The following NUCB1 variants were observed in gnomAD, a reference collection of about 807,000 sequenced individuals.
The protein encoded by NUCB1 is nucleobindin-1.
In NUCB1, 47 loss-of-function variants were observed where a neutral mutation model predicts 61.2. The observed-to-expected ratio is 0.77, with a 90% CI of 0.61 to 0.98. NUCB1 has a LOEUF of 0.98. NUCB1 is among the 50% of genes least tolerant of loss of function. The probability of loss-of-function intolerance (pLI) is 0.00; values close to 1 mark genes in which losing one functional copy is unlikely to be tolerated. For missense variants in NUCB1, 583 were observed against 605.3 expected, an observed-to-expected ratio of 0.96 and a Z score of 0.39; for synonymous variants, 234 against 243.1, an observed-to-expected ratio of 0.96 and a Z score of 0.35.
chr19:48,921,897 A>AC lies in NUCB1; in HGVS notation c.1247dup (p.Glu417Ter). On this transcript the variant is annotated frameshift_variant, in exon 12 of 13. Transcript: ENST00000405315. LOFTEE classifies it low-confidence loss of function (END_TRUNC). ...CAAGGCCACAAGGCCCCGGCTGCCCACCCTGAGGGGCAGCTCAAGTTCCAC... is the reference window on the plus strand; with the variant it reads ...CAAGGCCACAAGGCCCCGGCTGCCCACCCCTGAGGGGCAGCTCAAGTTCCAC... The AC allele has an allele frequency of 6.2e-7, 1 of 1,610,932 alleles. No individual in the cohort carries two copies. The highest frequency in any genetic ancestry group is 8.5e-7 in the Non-Finnish European group (1 of 1,179,080).
chr19:48,900,519 C>A (rs1296892236), intron 1 of NUCB1, 147 bp downstream of exon 1: 2 of 536,514 alleles, frequency 3.7e-6, no homozygotes, highest in South Asian at 4.6e-5. Flanking sequence ...ACTCTTGGGT[C>A]TGGGGGAGGA....
At chr19:48,920,305 A>C (rs1044449897) in intron 10 of NUCB1, among the ~76,000 whole-genome samples, 1 of 151,824 alleles carries the variant, frequency 6.6e-6, no homozygotes, top group Non-Finnish European at 1.5e-5. Flanking sequence ...CAGCATGCCT[A>C]GCTAATCTAG....
intron 2 of NUCB1, among the ~76,000 whole-genome samples, chr19:48,903,380 AGATGGATGGGCAGTTG>A (rs2037372197): frequency 1.2e-5 from 1 of 84,264 alleles, no homozygotes; most frequent in East Asian, 2.5e-4. Flanking sequence ...GCGGGTGGGT[AGATGGATGGGCAGTTG>A]GATGGATGGG....
chr19:48,913,968 CTT>C (rs767741319), intron 7 of NUCB1, among the ~76,000 whole-genome samples: 23 of 139,282 alleles, frequency 1.7e-4, no homozygotes, highest in Non-Finnish European at 1.6e-4. Flanking sequence ...TTTCTTTTTC[CTT>C]TTTTTTTTTT....
At chr19:48,900,607 A>G (rs2037343223) in intron 1 of NUCB1, 179 bp from the exon 2 acceptor site, 1 of 771,150 alleles carries the variant, frequency 1.3e-6, no homozygotes, top group South Asian at 1.8e-5. Flanking sequence ...GAGGGCCCAG[A>G]CTCCTGTGTC....
intron 7 of NUCB1, among the ~76,000 whole-genome samples, chr19:48,914,106 G>A (rs1408514724): frequency 6.6e-6 from 1 of 151,742 alleles, no homozygotes; most frequent in Non-Finnish European, 1.5e-5. Flanking sequence ...CTCCCGAGTA[G>A]CTGGGATTAC....
intron 10 of NUCB1, among the ~76,000 whole-genome samples, chr19:48,919,680 G>A (rs376515007): frequency 4.7e-5 from 7 of 150,534 alleles, no homozygotes; most frequent in African/African-American, 1.7e-4. Context: ...ATTTCACCAT[G>A]TTGGCCAGGC....
chr19:48,909,990 A>C (rs1292500623), intron 4 of NUCB1, among the ~76,000 whole-genome samples: 23 of 152,188 alleles, frequency 1.5e-4, no homozygotes, highest in Non-Finnish European at 2.4e-4. Context: ...TCAACATAGA[A>C]ACTTAGGAGC....
Position 48,900,853 on chromosome 19 carries a change from C to G in NUCB1, c.57C>G (p.Leu19=), listed in dbSNP as rs2037346357. The change falls in exon 2 of 13, where the codon CTC becomes CTG. Residue 19 remains leucine (L), a synonymous_variant. Transcript: ENST00000405315. ...TTCTGTTGCCGCTGCTGCTGCTGCT[C>G]CTGCTTCGCGCCGTGCTGGCTGTCC... ...TLLLLPLLLL[L]LLRAVLAVPL... 6.2e-7 allele frequency: 1 copy of G among 1,613,814 alleles called. No individual in the cohort carries two copies. Among genetic ancestry groups the G allele is most frequent in the Non-Finnish European group, 8.5e-7 (1 of 1,180,024 alleles).
intron 7 of NUCB1, among the ~76,000 whole-genome samples, chr19:48,915,333 A>AAAAC (rs1555791919): frequency 6.9e-6 from 1 of 145,020 alleles, no homozygotes; most frequent in African/African-American, 2.5e-5. Flanking sequence ...ACAAAAATTA[A>AAAAC]AAAACAAAAC....
At chr19:48,902,391 G>A (rs2037361036) in intron 2 of NUCB1, among the ~76,000 whole-genome samples, 1 of 150,076 alleles carries the variant, frequency 6.7e-6, no homozygotes. Flanking sequence ...TTACAGGCAT[G>A]AGCCACCTCA....
intron 7 of NUCB1, among the ~76,000 whole-genome samples, chr19:48,914,426 G>T (rs115501771): frequency 1.7e-3 from 264 of 152,068 alleles, no homozygotes; most frequent in African/African-American, 6.0e-3. Context: ...GCTTAGCAAG[G>T]CCTGACTCAT....
At chr19:48,905,986 C>A in intron 4 of NUCB1, 101 bp downstream of exon 4, 2 of 1,263,442 alleles carry the variant, frequency 1.6e-6, no homozygotes, top group Non-Finnish European at 2.2e-6. Context: ...GTGAGGCCTC[C>A]CTCCCCGCTG....
chr19:48,910,003 G>A lies in NUCB1; in HGVS notation c.377-1146G>A, dbSNP rs527629119. On this transcript the variant is annotated intron_variant, in intron 4 of 12. Coordinates refer to ENST00000405315, the MANE Select transcript of NUCB1 (RefSeq NM_006184.6). ...CTTCAACATAGAAACTTAGGAGCGT[G>A]CAATTTAACCCCTAAGATTGGTTGA... Among the ~76,000 whole-genome samples the A allele has an allele frequency of 7.9e-4, 120 of 152,208 alleles. 5 individuals are homozygous for A. The South Asian group carries it at 0.022, about 28-fold the overall frequency.
chr19:48,912,305 C>T (rs146358328), intron 5 of NUCB1, among the ~76,000 whole-genome samples: 16 of 152,182 alleles, frequency 1.1e-4, no homozygotes, highest in Admixed American at 3.3e-4. Flanking sequence ...GGATTCCAGG[C>T]GTGACCCACC....
intron 2 of NUCB1, among the ~76,000 whole-genome samples, chr19:48,901,389 C>CT (rs1021657079): frequency 2.0e-5 from 3 of 152,084 alleles, no homozygotes; most frequent in African/African-American, 2.4e-5. Context: ...AAGCTTTGGT[C>CT]TTAAGGGATT....
At chr19:48,904,749 C>G (rs576636318) in intron 3 of NUCB1, among the ~76,000 whole-genome samples, 1 of 152,208 alleles carries the variant, frequency 6.6e-6, no homozygotes, top group Admixed American at 6.5e-5. Flanking sequence ...GTCTCGAACT[C>G]CTGACCTCGT....
chr19:48,909,830 C>T (rs1163494538), intron 4 of NUCB1, among the ~76,000 whole-genome samples: 4 of 152,096 alleles, frequency 2.6e-5, no homozygotes, highest in Non-Finnish European at 4.4e-5. Context: ...GCATGAGCCA[C>T]TGTGCCCAGT....
chr19:48,912,029 T>TC (rs2122185297), intron 5 of NUCB1, among the ~76,000 whole-genome samples: 1 of 150,406 alleles, frequency 6.6e-6, no homozygotes, highest in East Asian at 1.9e-4. Context: ...CTTTTTTTTT[T>TC]TTTTTTTTTA....
Sources: gnomAD v4.1 joint callset for allele counts (sites outside exome capture counted in the v4.1 genomes callset) on GRCh38, gnomAD v4.1.1 for gene constraint, MANE v1.5 for transcripts, NCBI Gene and HGNC (gene_info 2026-07-23, HGNC 2026-07-21) for gene names.